Variants in SPSB1 observed in about 807,000 individuals in gnomAD.
SPSB1 encodes SPRY domain-containing SOCS box protein 1.
In SPSB1, 8 loss-of-function variants were observed where a neutral mutation model predicts 21.2. The observed-to-expected ratio is 0.38, with a 90% confidence interval of 0.22 to 0.68. The LOEUF is 0.68. Among genes scored for constraint, SPSB1 ranks in the 30% least tolerant of loss-of-function variants. The pLI is 0.53. For synonymous variants in SPSB1, 169 were observed against 161.7 expected (o/e 1.05, Z -0.34); for missense variants, 242 against 377.8 (o/e 0.64, Z 2.98).
chr1:9,330,099 A>G (rs1045041351), intron 1 of SPSB1, among the ~76,000 whole-genome samples: 1 of 152,226 alleles, frequency 6.6e-6, no homozygotes, highest in Non-Finnish European at 1.5e-5. Flanking sequence ...TAGTTTGTCA[A>G]AGATCAGTGG....
At chr1:9,342,713 G>A (rs1640110129) in intron 1 of SPSB1, among the ~76,000 whole-genome samples, 1 of 152,212 alleles carries the variant, frequency 6.6e-6, no homozygotes, top group Non-Finnish European at 1.5e-5. Flanking sequence ...CCGAGATGCA[G>A]GCACACATCC....
chr1:9,336,993 A>G (rs1465960737), intron 1 of SPSB1, among the ~76,000 whole-genome samples: 1 of 152,130 alleles, frequency 6.6e-6, no homozygotes, highest in African/African-American at 2.4e-5. Context: ...CTATCGTGGC[A>G]TTCAAGGCCC....
intron 1 of SPSB1, among the ~76,000 whole-genome samples, chr1:9,327,771 C>A (rs1040887597): frequency 6.6e-6 from 1 of 152,236 alleles, no homozygotes; most frequent in African/African-American, 2.4e-5. Context: ...TCTGCCGCAA[C>A]TACTCGACTC....
chr1:9,358,225 C>T (rs752742495), intron 2 of SPSB1, among the ~76,000 whole-genome samples: 15 of 152,196 alleles, frequency 9.9e-5, no homozygotes, highest in Non-Finnish European at 2.1e-4. Flanking sequence ...GAAGCCTCCC[C>T]GCCCCTCTTT....
chr1:9,299,536 A>G lies in SPSB1; in HGVS notation c.-150+6465A>G, dbSNP rs1042608359. 1.1e-4 allele frequency among the ~76,000 whole-genome samples: 16 copies of G among 151,944 alleles called. No homozygotes were observed. In the South Asian group the frequency reaches 1.7e-3, roughly 16 times the overall value. Reference sequence around the variant, plus strand: ...CTCTTGTTGCCTAGGCTGGAGTGCAATGGTGCAATCTCGGCTCACTGCAAC... The same window carrying G: ...CTCTTGTTGCCTAGGCTGGAGTGCAGTGGTGCAATCTCGGCTCACTGCAAC... On this transcript the variant is annotated intron_variant, in intron 1 of 2. Coordinates refer to ENST00000328089, the MANE Select transcript of SPSB1 (RefSeq NM_025106.4).
At chr1:9,342,573 C>T (rs774132359) in intron 1 of SPSB1, among the ~76,000 whole-genome samples, 1 of 152,232 alleles carries the variant, frequency 6.6e-6, no homozygotes, top group Non-Finnish European at 1.5e-5. Context: ...CCTCTCCCGC[C>T]TCATCCTGCC....
intron 1 of SPSB1, among the ~76,000 whole-genome samples, chr1:9,331,621 G>A (rs781093393): frequency 6.6e-6 from 1 of 152,122 alleles, no homozygotes; most frequent in Non-Finnish European, 1.5e-5. Context: ...GTGAGTCACC[G>A]TGCCTAGCCG....
chr1:9,368,800 T>G lies in SPSB1; in HGVS notation c.*1225T>G, dbSNP rs1168207201. ...CTGCTCAGCACCCCAGCCGGGGCTCTGGACCCAGGGTAACAGCCCCAGTTC... is the reference window on the plus strand; with the variant it reads ...CTGCTCAGCACCCCAGCCGGGGCTCGGGACCCAGGGTAACAGCCCCAGTTC... On this transcript the variant is annotated 3_prime_UTR_variant, in exon 3 of 3. Coordinates refer to ENST00000328089, the MANE Select transcript of SPSB1 (RefSeq NM_025106.4). 1 of 152,198 alleles carries G rather than the reference T, an allele frequency of 6.6e-6. No homozygotes were observed. Among genetic ancestry groups the G allele is most frequent in the East Asian group, 1.9e-4 (1 of 5,166 alleles). The allele number at this position is 152,198 out of a possible 1,614,324, so 9.4% of individuals were successfully genotyped here. A position where few individuals can be genotyped will look rare whatever the true frequency, so the allele number is the denominator to read the frequency against.
chr1:9,310,152 C>T (rs1043792121), intron 1 of SPSB1, among the ~76,000 whole-genome samples: 1 of 151,000 alleles, frequency 6.6e-6, no homozygotes, highest in African/African-American at 2.5e-5. Context: ...CTGCACCTGC[C>T]GTGGGAAGGC....
chr1:9,340,867 A>C (rs1403254266), intron 1 of SPSB1, among the ~76,000 whole-genome samples: 3 of 152,250 alleles, frequency 2.0e-5, no homozygotes, highest in Non-Finnish European at 4.4e-5. Context: ...CATGAAACGC[A>C]CATTTGTAGT....
In SPSB1 at chr1:9,345,890, C is replaced by T. The variant is rs1640160460; in HGVS notation, c.-149-9853C>T. Among the ~76,000 whole-genome samples, 1 of 152,194 alleles carries T rather than the reference C, an allele frequency of 6.6e-6. No homozygotes were observed. On this transcript the variant is annotated intron_variant, in intron 1 of 2. Coordinates refer to ENST00000328089, the MANE Select transcript of SPSB1 (RefSeq NM_025106.4). This position sits in a 1 kb window ranked among gnomAD's most constrained non-coding sequence, Gnocchi z 4.8. ...CTTGAGGGGTCCCTCCTCAAGTTGG[C>T]AGTTGGCAGGGTGAGGGGTGGAGGG...
chr1:9,358,502 G>A (rs529501629), intron 2 of SPSB1, among the ~76,000 whole-genome samples: 1 of 152,322 alleles, frequency 6.6e-6, no homozygotes, highest in Admixed American at 6.5e-5. Context: ...CACGTCCACA[G>A]CCAAATTTGC....
intron 1 of SPSB1, among the ~76,000 whole-genome samples, chr1:9,341,270 C>T (rs1640087269): frequency 6.6e-6 from 1 of 152,210 alleles, no homozygotes; most frequent in African/African-American, 2.4e-5. Flanking sequence ...AGACCTATGT[C>T]CAGGCTGCCA....
chr1:9,305,025 C>T lies in SPSB1; in HGVS notation c.-150+11954C>T, dbSNP rs1375778340. On this transcript the variant is annotated intron_variant, in intron 1 of 2. Coordinates refer to ENST00000328089, the MANE Select transcript of SPSB1 (RefSeq NM_025106.4). The surrounding 1 kb of genome is among the most constrained non-coding windows in gnomAD (Gnocchi z 4.8). ...GCTCTGGCCATTCCCTGGGCTTCACCTGCCTCCTGCGCCCAGACCCATCTG... is the reference window on the plus strand; with the variant it reads ...GCTCTGGCCATTCCCTGGGCTTCACTTGCCTCCTGCGCCCAGACCCATCTG... Among the ~76,000 whole-genome samples the T allele has an allele frequency of 1.3e-5, 2 of 152,132 alleles. No homozygotes were observed. Among genetic ancestry groups the T allele is most frequent in the African/African-American group, 4.8e-5 (2 of 41,416 alleles).
chr1:9,362,417 G>A (rs1186994540), intron 2 of SPSB1, among the ~76,000 whole-genome samples: 2 of 152,256 alleles, frequency 1.3e-5, no homozygotes, highest in Non-Finnish European at 2.9e-5. Context: ...GAACTGCGTA[G>A]TGTAGAGGAA....
Position 9,356,757 on chromosome 1 carries a change from C to T in SPSB1, c.694+172C>T, listed in dbSNP as rs1640370394. The stretch of plus-strand genomic sequence containing the variant: ...CATCGGGTTAAGTGAGGAATTCTAC[C>T]CAGAGTCAGCTAGATTACCTAACGG... On this transcript the variant is annotated intron_variant, in intron 2 of 2. Coordinates refer to ENST00000328089, the MANE Select transcript of SPSB1 (RefSeq NM_025106.4). This position sits in a 1 kb window ranked among gnomAD's most constrained non-coding sequence, Gnocchi z 7.4. 6.6e-6 allele frequency among the ~76,000 whole-genome samples: 1 copy of T among 152,130 alleles called. No homozygotes were observed. Among genetic ancestry groups the T allele is most frequent in the Non-Finnish European group, 1.5e-5 (1 of 68,038 alleles).
At chr1:9,349,198 C>T (rs183917894) in intron 1 of SPSB1, among the ~76,000 whole-genome samples, 90 of 152,294 alleles carry the variant, frequency 5.9e-4, no homozygotes, top group African/African-American at 1.9e-3. Context: ...CTCCAGGGCC[C>T]GTGGCTGCTC....
At chr1:9,364,638 C>A (rs190982898) in intron 2 of SPSB1, among the ~76,000 whole-genome samples, 56 of 152,284 alleles carry the variant, frequency 3.7e-4, no homozygotes, top group African/African-American at 1.3e-3. Flanking sequence ...CATTCGTCTC[C>A]AATCAGAGCT....
chr1:9,299,348 T>C (rs369083166), intron 1 of SPSB1, among the ~76,000 whole-genome samples: 2 of 152,168 alleles, frequency 1.3e-5, no homozygotes, highest in South Asian at 2.1e-4. Context: ...TCCACAGATA[T>C]CATACTGGGG....
Sources: allele counts gnomAD v4.1 joint callset (sites outside exome capture counted in the v4.1 genomes callset), GRCh38; gene constraint gnomAD v4.1.1; non-coding constraint Gnocchi (gnomAD v3.1); transcripts MANE v1.5; gene names NCBI Gene and HGNC (gene_info 2026-07-23, HGNC 2026-07-21).